LRRC7: variants seen among roughly 807,000 people sequenced by gnomAD.
The protein encoded by LRRC7 is leucine rich repeat containing 7.
A neutral mutation model predicts 175.7 loss-of-function variants in LRRC7; 23 were observed. The observed-to-expected ratio is 0.13, with a 90% CI of 0.09 to 0.19. The LOEUF is 0.19. Ranked by LOEUF, LRRC7 falls within the 10% of genes least tolerant of loss-of-function variation. The pLI is 1.00. For synonymous variants in LRRC7, 685 were observed against 680.9 expected, an observed-to-expected ratio of 1.01 and a Z score of -0.09; for missense variants, 1,354 against 1,904.7, an observed-to-expected ratio of 0.71 and a Z score of 5.38.
At chr1:69,730,778 C>G (rs1216291845) in intron 2 of LRRC7, among the ~76,000 whole-genome samples, 14 of 152,258 alleles carry the variant, frequency 9.2e-5, no homozygotes, top group Admixed American at 9.2e-4. Context: ...TAGAGCAGCT[C>G]CCCACTACCT....
In LRRC7 at chr1:69,776,798, C is replaced by G. The variant is rs537001768; in HGVS notation, c.304-15245C>G. 1.2e-3 allele frequency among the ~76,000 whole-genome samples: 180 copies of G among 151,760 alleles called. 5 individuals carry two copies. In the South Asian group the frequency reaches 0.037, roughly 31 times the overall value. ...GTAACAATGCAACCTCACTACCTTG[C>G]TATTGATTTTTCATTTTGGTGTGGA... is the stretch of plus-strand genomic sequence containing the variant. On this transcript the variant is annotated intron_variant, in intron 3 of 26. Transcript: ENST00000651989.
At chr1:69,569,862 G>A (rs1645663456) in intron 1 of LRRC7, among the ~76,000 whole-genome samples, 1 of 136,270 alleles carries the variant, frequency 7.3e-6, no homozygotes, top group Non-Finnish European at 1.5e-5. Context: ...GGAACCATCT[G>A]CGACTCCCAC....
At chr1:69,879,317 T>C (rs888198715) in intron 7 of LRRC7, among the ~76,000 whole-genome samples, 1 of 150,018 alleles carries the variant, frequency 6.7e-6, no homozygotes, top group East Asian at 2.0e-4. Flanking sequence ...ACCCACTAAG[T>C]AGGAAATCTG....
chr1:69,818,220 A>G (rs550197121), intron 4 of LRRC7, among the ~76,000 whole-genome samples: 8 of 152,154 alleles, frequency 5.3e-5, no homozygotes, highest in Non-Finnish European at 1.2e-4. Flanking sequence ...TCAACTTTTC[A>G]CTGTTGAGTA....
At chr1:70,011,980 G>T in intron 12 of LRRC7, 54 bp downstream of exon 12, 1 of 1,376,044 alleles carries the variant, frequency 7.3e-7, no homozygotes. Flanking sequence ...CTGTTTTGGA[G>T]TAAAATCTTA....
intron 7 of LRRC7, among the ~76,000 whole-genome samples, chr1:69,853,515 G>T (rs1178681089): frequency 6.6e-6 from 1 of 151,990 alleles, no homozygotes; most frequent in East Asian, 1.9e-4. Flanking sequence ...CTGACCTTGT[G>T]ATCCGCCCAC....
At chr1:69,978,975 A>G (rs1399927705) in intron 8 of LRRC7, among the ~76,000 whole-genome samples, 1 of 149,560 alleles carries the variant, frequency 6.7e-6, no homozygotes, top group Non-Finnish European at 1.5e-5. Context: ...TTCCAGGCTT[A>G]TATAATCTTA....
intron 1 of LRRC7, among the ~76,000 whole-genome samples, chr1:69,592,531 A>C (rs756300817): frequency 3.4e-4 from 52 of 152,194 alleles, no homozygotes; most frequent in African/African-American, 1.0e-3. Context: ...TAAATGTTCC[A>C]TCTAGCTGGC....
chr1:69,766,331 G>A (rs1052983175), intron 3 of LRRC7, among the ~76,000 whole-genome samples: 8 of 152,232 alleles, frequency 5.3e-5, no homozygotes, highest in African/African-American at 1.9e-4. Context: ...AAGACAAAGA[G>A]AGCAATTTAC....
chr1:69,582,733 G>C (rs1026382939), intron 1 of LRRC7, among the ~76,000 whole-genome samples: 1 of 152,148 alleles, frequency 6.6e-6, no homozygotes, highest in Non-Finnish European at 1.5e-5. Flanking sequence ...AACTGCCTCT[G>C]AGTGGACTGG....
At position 70,018,728 on chromosome 1, in the gene LRRC7, C is replaced by G; in HGVS notation, c.1330C>G (p.Leu444Val). 1 of 1,611,246 alleles carries G rather than the reference C, an allele frequency of 6.2e-7. No homozygotes were observed. The highest frequency in any genetic ancestry group is 8.5e-7 in the Non-Finnish European group (1 of 1,177,946). Residue 444 changes from leucine (L) to valine (V), a missense_variant, in exon 15 of 27, where the codon CTT (leucine) becomes GTT (valine). By Grantham distance (32) the Leu-to-Val change is conservative. This residue lies in a region of LRRC7 where 201 missense variants were observed against 481.4 expected (regional missense o/e 0.42). Coordinates refer to ENST00000651989, the MANE Select transcript of LRRC7 (RefSeq NM_001370785.2). ...LWLSDNQSKALIPLQTEAHPE... is the reference protein window; with the variant it reads ...LWLSDNQSKAVIPLQTEAHPE... ...TGTTCTTTGCTTCTAGTCCAAAGCC[C>G]TTATCCCTTTACAAACAGAAGCCCA...
chr1:69,911,844 A>G (rs141612601), intron 7 of LRRC7, among the ~76,000 whole-genome samples: 1 of 152,044 alleles, frequency 6.6e-6, no homozygotes, highest in Admixed American at 6.5e-5. Flanking sequence ...TATTTGATAC[A>G]CCCGTCAGGG....
chr1:70,002,317 T>A (rs1049846238), intron 11 of LRRC7, among the ~76,000 whole-genome samples: 1 of 152,174 alleles, frequency 6.6e-6, no homozygotes, highest in Non-Finnish European at 1.5e-5. Context: ...GGGTAATACA[T>A]GTGGCTTTGA....
At chr1:69,748,965 C>T (rs1437115838) in intron 2 of LRRC7, among the ~76,000 whole-genome samples, 1 of 152,070 alleles carries the variant, frequency 6.6e-6, no homozygotes, top group Non-Finnish European at 1.5e-5. Context: ...TGTGTTTCTT[C>T]ATGCTGCTCT....
Position 70,036,968 on chromosome 1 carries a change from C to T in LRRC7, c.2288+344C>T, listed in dbSNP as rs555173377. Among the ~76,000 whole-genome samples the T allele has an allele frequency of 3.1e-4, 47 of 152,174 alleles. 1 individual carries two copies. Among genetic ancestry groups the T allele is most frequent in the Middle Eastern group, 6.8e-3 (2 of 294 alleles). Reference sequence around the variant, plus strand: ...GGCATTATGAATTAAAATAAAATGCCAGTAAAACACTTAGGTGTCTGGTCC... The same window carrying T: ...GGCATTATGAATTAAAATAAAATGCTAGTAAAACACTTAGGTGTCTGGTCC... On this transcript the variant is annotated intron_variant, in intron 20 of 26. Transcript: ENST00000651989.
intron 11 of LRRC7, among the ~76,000 whole-genome samples, chr1:69,996,781 A>G (rs924999142): frequency 1.3e-5 from 2 of 151,838 alleles, no homozygotes; most frequent in African/African-American, 4.8e-5. Flanking sequence ...TACCAGTACC[A>G]TGCTGTTTTG....
chr1:69,580,904 A>C (rs985340105), intron 1 of LRRC7, among the ~76,000 whole-genome samples: 1 of 152,232 alleles, frequency 6.6e-6, no homozygotes, highest in African/African-American at 2.4e-5. Flanking sequence ...AGCATCTTTG[A>C]TGAACTGCTA....
chr1:69,614,868 A>G (rs1773336), intron 1 of LRRC7, among the ~76,000 whole-genome samples: 19,518 of 152,070 alleles, frequency 0.13, 1,597 homozygotes, highest in South Asian at 0.19. Flanking sequence ...CAGACTAGGC[A>G]TGGGTTCTAG....
At chr1:69,990,289 GTATAGGATGAAGAGATGGAGAC>G (rs1654312413) in intron 10 of LRRC7, among the ~76,000 whole-genome samples, 1 of 152,008 alleles carries the variant, frequency 6.6e-6, no homozygotes. Context: ...TTAGTTGGGA[GTATAGGATGAAGAGATGGAGAC>G]TTGCAGAAGG....
Sources: gnomAD v4.1 joint callset for allele counts (sites outside exome capture counted in the v4.1 genomes callset) on GRCh38, gnomAD v4.1.1 for gene constraint, gnomAD v4.1.1 regional missense constraint, MANE v1.5 for transcripts, NCBI Gene and HGNC (gene_info 2026-07-23, HGNC 2026-07-21) for gene names.